NXN: variants seen among roughly 807,000 people sequenced by gnomAD.
The protein encoded by NXN is nucleoredoxin, also known as nucleoredoxin 1.
In NXN, 16 loss-of-function variants were observed where a neutral mutation model predicts 48.6. The observed-to-expected ratio is 0.33, with a 90% confidence interval of 0.22 to 0.50. The LOEUF (loss-of-function observed/expected upper bound fraction) is 0.50, where lower values mean the gene tolerates loss of function less well. Ranked by LOEUF, NXN falls within the 20% of genes least tolerant of loss-of-function variation. The pLI is 0.98. For missense variants in NXN, 492 were observed against 605.5 expected (o/e 0.81, Z 1.97); for synonymous variants, 281 against 269.6 (o/e 1.04, Z -0.41).
At chr17:805,571 A>C (rs1031938134) in intron 5 of NXN, among the ~76,000 whole-genome samples, 1 of 152,164 alleles carries the variant, frequency 6.6e-6, no homozygotes, top group East Asian at 1.9e-4. Flanking sequence ...CAATGAGTTC[A>C]TGCGGTTAAA....
intron 1 of NXN, among the ~76,000 whole-genome samples, chr17:879,700 C>G (rs1010235082): frequency 1.4e-4 from 22 of 152,146 alleles, no homozygotes; most frequent in Admixed American, 6.5e-4. Context: ...TGGGAACCCG[C>G]TGGGGTTTGG....
chr17:951,828 G>C (rs1345799037), intron 1 of NXN, among the ~76,000 whole-genome samples: 4 of 152,192 alleles, frequency 2.6e-5, no homozygotes, highest in African/African-American at 9.6e-5. Flanking sequence ...CAGGGGCAGA[G>C]AGGACGGGAG....
chr17:923,350 G>A (rs1486847150), intron 1 of NXN, among the ~76,000 whole-genome samples: 3 of 152,042 alleles, frequency 2.0e-5, no homozygotes, highest in Middle Eastern at 3.4e-3. Context: ...GCAAGACCCC[G>A]CTTTACACCA....
At chr17:927,683 G>GA (rs150944688) in intron 1 of NXN, among the ~76,000 whole-genome samples, 7,599 of 151,844 alleles carry the variant, frequency 0.05, 270 homozygotes, top group Non-Finnish European at 0.081. Context: ...GTCAGACAGC[G>GA]ATGGTTTGCG....
At chr17:902,771 T>C (rs956565488) in intron 1 of NXN, among the ~76,000 whole-genome samples, 4 of 148,408 alleles carry the variant, frequency 2.7e-5, no homozygotes, top group African/African-American at 9.9e-5. Context: ...CAATGGCCTC[T>C]GCCCATCATT....
At chr17:969,410 T>C (rs1416659342) in intron 1 of NXN, among the ~76,000 whole-genome samples, 3 of 152,194 alleles carry the variant, frequency 2.0e-5, no homozygotes, top group Non-Finnish European at 4.4e-5. Context: ...ACTTTAAATA[T>C]TCACATACCA....
Position 819,534 on chromosome 17 carries a change from G to A in NXN, c.725C>T (p.Ser242Phe), listed in dbSNP as rs200136022. 357 of 1,604,032 alleles carry A rather than the reference G, an allele frequency of 2.2e-4. No homozygotes were observed. The highest frequency in any genetic ancestry group is 6.7e-4 in the Middle Eastern group (4 of 6,012). ...IFVSADRSEE[S>F]FKQYFSEMPW... ...CATCTCACTGAAGTACTGTTTGAAG[G>A]ACTCCTCCGACCTACAGAGAGACAC... Residue 242 changes from serine (S) to phenylalanine (F), a missense_variant, in exon 5 of 8, where the codon TCC (serine) becomes TTC (phenylalanine). Physicochemically the swap from Ser to Phe is radical, Grantham distance 155. Around this residue, in one of 3 missense-constraint regions of NXN, gnomAD observed 303 missense variants for 388.3 expected, o/e 0.78. Coordinates refer to ENST00000336868, the MANE Select transcript of NXN (RefSeq NM_022463.5).
chr17:956,639 T>C lies in NXN; in HGVS notation c.360+22680A>G, dbSNP rs2069172224. Among the ~76,000 whole-genome samples the C allele has an allele frequency of 6.6e-6, 1 of 152,178 alleles. No homozygotes were observed. The highest frequency in any genetic ancestry group is 2.4e-5 in the African/African-American group (1 of 41,432). On this transcript the variant is annotated intron_variant, in intron 1 of 7. Coordinates refer to ENST00000336868, the MANE Select transcript of NXN (RefSeq NM_022463.5). The surrounding 1 kb of genome is among the most constrained non-coding windows in gnomAD (Gnocchi z 4.1). ...CGTGTTAGCCAGGATGGTCTCGATC[T>C]CCAGACCTCAGGTGATCCGTCCACC... is the stretch of plus-strand genomic sequence containing the variant.
At chr17:929,607 G>C (rs1230390522) in intron 1 of NXN, 1 of 152,188 alleles carries the variant, frequency 6.6e-6, no homozygotes, top group Non-Finnish European at 1.5e-5. Flanking sequence ...CTAAAACCGG[G>C]ATTTCAACTC....
rs11325268 is a variant in NXN at position 804,274 on chromosome 17, C to CT, written c.1001-469dup. Among the ~76,000 whole-genome samples the CT allele has an allele frequency of 3.9e-3, 345 of 88,958 alleles. 6 individuals carry two copies. Among genetic ancestry groups the CT allele is most frequent in the South Asian group, 0.016 (44 of 2,696 alleles). The allele number at this position is 88,958 out of a possible 152,430, so 58.4% of individuals were successfully genotyped here. On this transcript the variant is annotated intron_variant, in intron 6 of 7. Coordinates refer to ENST00000336868, the MANE Select transcript of NXN (RefSeq NM_022463.5). Reference sequence around the variant, plus strand: ...GTGAGGACTGTGGTCTGGTCAGCGGCTTTTTTTTTTTTTTTTTTTTTTTTT... The same window carrying CT: ...GTGAGGACTGTGGTCTGGTCAGCGGCTTTTTTTTTTTTTTTTTTTTTTTTTT...
intron 1 of NXN, among the ~76,000 whole-genome samples, chr17:946,034 GAGA>G (rs2069039431): frequency 6.6e-6 from 1 of 152,222 alleles, no homozygotes; most frequent in Non-Finnish European, 1.5e-5. Flanking sequence ...GGTAGAGAGG[GAGA>G]AGGAGAGGGA....
rs1343061281 is a variant in NXN, at chr17:809,968, G to A, written c.821-4721C>T. On this transcript the variant is annotated intron_variant, in intron 5 of 7. Transcript: ENST00000336868. ...CGTTACGAGTCTGTGTGAGTGGCGT[G>A]TACGTTACGAGTCTGTGAGTGGCGT... 1.9e-3 allele frequency among the ~76,000 whole-genome samples: 208 copies of A among 109,662 alleles called. 8 individuals carry two copies. Among genetic ancestry groups the A allele is most frequent in the African/African-American group, 6.0e-3 (188 of 31,582 alleles). The allele number at this position is 109,662 out of a possible 152,430, so 71.9% of individuals were successfully genotyped here. A position where few individuals can be genotyped will look rare whatever the true frequency, so the allele number is the denominator to read the frequency against.
rs1555612218 is a variant in NXN at position 836,963 on chromosome 17, C to CTGTTATTATTATTATTAT, written c.361-10886_361-10885insATAATAATAATAATAACA. Among the ~76,000 whole-genome samples the CTGTTATTATTATTATTAT allele has an allele frequency of 1.2e-3, 174 of 144,920 alleles. 4 individuals are homozygous for CTGTTATTATTATTATTAT. The East Asian group carries it at 0.031, about 25-fold the overall frequency. ...TGAGCCACCACACCTAGCTTAGTTG[C>CTGTTATTATTATTATTAT]TATTATTATTATTATTATTATTATT... On this transcript the variant is annotated intron_variant, in intron 1 of 7. Transcript: ENST00000336868.
At chr17:906,467 CA>C (rs1163398536) in intron 1 of NXN, among the ~76,000 whole-genome samples, 1 of 152,008 alleles carries the variant, frequency 6.6e-6, no homozygotes, top group Non-Finnish European at 1.5e-5. Flanking sequence ...TCATAAAACT[CA>C]AATGAAGGTG....
chr17:882,421 G>A (rs946742173), intron 1 of NXN, among the ~76,000 whole-genome samples: 26 of 152,082 alleles, frequency 1.7e-4, no homozygotes, highest in African/African-American at 5.3e-4. Context: ...GCCCTCCCCC[G>A]TCTCTGCCCC....
intron 1 of NXN, among the ~76,000 whole-genome samples, chr17:854,717 G>C (rs1394969109): frequency 1.3e-5 from 2 of 150,974 alleles, no homozygotes; most frequent in Non-Finnish European, 2.9e-5. Context: ...CCAGCACTTT[G>C]GGAGGCCGAG....
intron 1 of NXN, among the ~76,000 whole-genome samples, chr17:835,117 G>A (rs1041179526): frequency 6.6e-5 from 10 of 151,076 alleles, no homozygotes; most frequent in South Asian, 2.1e-4. Flanking sequence ...GACCATCCTG[G>A]CTAACATGGT....
At chr17:896,858 C>T in intron 1 of NXN, 5 of 536,118 alleles carry the variant, frequency 9.3e-6, no homozygotes, top group South Asian at 1.7e-5. Context: ...GTCCTGACCA[C>T]CCGCCCCCGG....
rs1427733447 is a variant in NXN at position 895,594 on chromosome 17, C to T, written c.361-69516G>A. 6.0e-5 allele frequency among the ~76,000 whole-genome samples: 9 copies of T among 150,220 alleles called. No individual in the cohort carries two copies. In the South Asian group the frequency reaches 1.5e-3, roughly 25 times the overall value. On this transcript the variant is annotated intron_variant, in intron 1 of 7. Coordinates refer to ENST00000336868, the MANE Select transcript of NXN (RefSeq NM_022463.5). ...TTGGGAGGTCGAGGTGGGCGGATCA[C>T]AGGGTCAGGAGATCAAGACCATCCT...
Sources: allele counts gnomAD v4.1 joint callset (sites outside exome capture counted in the v4.1 genomes callset), GRCh38; gene constraint gnomAD v4.1.1; regional missense constraint gnomAD v4.1.1; non-coding constraint Gnocchi (gnomAD v3.1); transcripts MANE v1.5; gene names NCBI Gene and HGNC (gene_info 2026-07-23, HGNC 2026-07-21).